The following ESRRG variants were observed in gnomAD, a reference collection of about 807,000 sequenced individuals.
ESRRG encodes the protein estrogen related receptor gamma, also known as estrogen-related receptor gamma.
A neutral mutation model predicts 44.0 loss-of-function variants in ESRRG; 13 were observed. That is an observed-to-expected ratio of 0.30 (90% confidence interval 0.19 to 0.47). The LOEUF (loss-of-function observed/expected upper bound fraction) is 0.47. ESRRG is among the 20% of genes least tolerant of loss of function. ESRRG has a pLI of 1.00. For missense variants in ESRRG, 395 were observed against 580.6 expected, an observed-to-expected ratio of 0.68 and a Z score of 3.29; for synonymous variants, 215 against 214.6, an observed-to-expected ratio of 1.00 and a Z score of -0.02.
intron 1 of ESRRG, among the ~76,000 whole-genome samples, chr1:217,009,235 C>T (rs1560456928): frequency 1.3e-5 from 2 of 152,014 alleles, no homozygotes; most frequent in South Asian, 2.1e-4. Flanking sequence ...GGGCCCACAG[C>T]GGGATCTATA....
intron 2 of ESRRG, among the ~76,000 whole-genome samples, chr1:216,821,696 AT>A (rs374941375): frequency 0.022 from 2,122 of 94,888 alleles, 183 homozygotes; most frequent in Middle Eastern, 0.045. Flanking sequence ...GGAAAAATAA[AT>A]AAATAAATAA....
At chr1:216,730,305 T>TTA (rs1553549420) in intron 2 of ESRRG, among the ~76,000 whole-genome samples, 3 of 121,444 alleles carry the variant, frequency 2.5e-5, no homozygotes, top group South Asian at 5.4e-4. Context: ...CTTAGAAAGG[T>TTA]AAAAAAAAAA....
At chr1:216,755,723 C>T (rs772301503) in intron 2 of ESRRG, among the ~76,000 whole-genome samples, 18 of 151,970 alleles carry the variant, frequency 1.2e-4, no homozygotes, top group South Asian at 1.0e-3. Flanking sequence ...AGAACTGAAT[C>T]TTCTTCCTTT....
At chr1:216,836,822 C>G (rs868358692) in intron 2 of ESRRG, among the ~76,000 whole-genome samples, 10 of 152,214 alleles carry the variant, frequency 6.6e-5, no homozygotes, top group African/African-American at 2.4e-4. Flanking sequence ...GCTATTATCC[C>G]AAATGAGAGT....
intron 1 of ESRRG, among the ~76,000 whole-genome samples, chr1:217,004,733 T>C (rs1033119715): frequency 1.3e-5 from 2 of 152,218 alleles, no homozygotes; most frequent in Non-Finnish European, 2.9e-5. Flanking sequence ...ATCAATTAAT[T>C]TATTCTGAAA....
chr1:217,114,253 A>G (rs1250203526), intron 1 of ESRRG, among the ~76,000 whole-genome samples: 1 of 152,030 alleles, frequency 6.6e-6, no homozygotes, highest in Admixed American at 6.6e-5. Flanking sequence ...TAGAGGTTTC[A>G]GGAAGCCTCA....
intron 1 of ESRRG, among the ~76,000 whole-genome samples, chr1:217,073,941 T>C (rs1031105627): frequency 2.6e-5 from 4 of 152,086 alleles, no homozygotes; most frequent in Non-Finnish European, 4.4e-5. Context: ...TGGTAGCATA[T>C]ACACTCCATA....
chr1:216,990,764 C>T (rs2075566114), intron 1 of ESRRG, among the ~76,000 whole-genome samples: 1 of 152,128 alleles, frequency 6.6e-6, no homozygotes, highest in Non-Finnish European at 1.5e-5. Flanking sequence ...ATATAACATA[C>T]AAAATATGTG....
chr1:216,732,746 G>A (rs899345341), intron 2 of ESRRG, among the ~76,000 whole-genome samples: 4 of 148,874 alleles, frequency 2.7e-5, no homozygotes, highest in African/African-American at 9.9e-5. Flanking sequence ...CAAGGCATCA[G>A]TGATCAATGA....
At chr1:216,972,809 A>T (rs1358754126) in intron 1 of ESRRG, among the ~76,000 whole-genome samples, 1 of 152,198 alleles carries the variant, frequency 6.6e-6, no homozygotes, top group African/African-American at 2.4e-5. Flanking sequence ...AGTAAATAAA[A>T]GCTTTTAAAT....
chr1:217,072,620 C>CA (rs1328499308), intron 1 of ESRRG, among the ~76,000 whole-genome samples: 1 of 152,164 alleles, frequency 6.6e-6, no homozygotes, highest in African/African-American at 2.4e-5. Context: ...TTTGAAATTA[C>CA]AGCTTCAGGA....
At chr1:216,578,819 G>A (rs2062168691) in intron 3 of ESRRG, among the ~76,000 whole-genome samples, 1 of 152,074 alleles carries the variant, frequency 6.6e-6, no homozygotes, top group South Asian at 2.1e-4. Context: ...CAGCTGCCTT[G>A]AGACCTGAGC....
rs11572757 is a variant in ESRRG at position 216,575,261 on chromosome 1, G to A, written c.590-7163C>T. Among the ~76,000 whole-genome samples, 136 of 152,144 alleles carry A rather than the reference G, an allele frequency of 8.9e-4. 4 individuals are homozygous for A. The East Asian group carries it at 0.026, about 29-fold the overall frequency. The stretch of plus-strand genomic sequence containing the variant: ...TATTAAATTCTTGAGGATCATATAA[G>A]ATAATTAAAGAAACCAAACAGTAGA... On this transcript the variant is annotated intron_variant, in intron 3 of 6. Coordinates refer to ENST00000408911, the MANE Select transcript of ESRRG (RefSeq NM_001438.4).
intron 3 of ESRRG, among the ~76,000 whole-genome samples, chr1:216,593,923 G>A (rs778158431): frequency 6.6e-6 from 1 of 152,064 alleles, no homozygotes; most frequent in Non-Finnish European, 1.5e-5. Flanking sequence ...GTAGAGACAG[G>A]GGTCTCATTG....
At chr1:217,092,731 C>T (rs1373965967), upstream of ESRRG, among the ~76,000 whole-genome samples, 1 of 152,218 alleles carries the variant, frequency 6.6e-6, no homozygotes, top group Non-Finnish European at 1.5e-5. Context: ...TCCGCTTTCT[C>T]TTCGGGTTTA....
chr1:216,847,964 G>C (rs1165329034), intron 2 of ESRRG, among the ~76,000 whole-genome samples: 1 of 152,108 alleles, frequency 6.6e-6, no homozygotes, highest in East Asian at 1.9e-4. Context: ...GTTGGTATAG[G>C]ACAGCGTTTC....
Position 216,506,999 on chromosome 1 carries a change from T to C in ESRRG, c.1317A>G (p.Lys439=). The C allele has an allele frequency of 6.2e-7, 1 of 1,614,178 alleles. No individual in the cohort carries two copies. The highest frequency in any genetic ancestry group is 1.3e-5 in the African/African-American group (1 of 75,048). Residue 439 remains lysine (K), a synonymous_variant, in exon 7 of 7, where the codon AAA becomes AAG. Coordinates refer to ENST00000408911, the MANE Select transcript of ESRRG (RefSeq NM_001438.4). ...TGTGCATTGGGACTTTGCCTTCTAG[T>C]TTGATGTTGTAGAAATGCTGCACGG... The part of the protein sequence containing the change: ...TKAVQHFYNI[K]LEGKVPMHKL...
chr1:217,120,486 C>A lies in ESRRG; in HGVS notation c.-230+17181G>T, dbSNP rs369151876. On this transcript the variant is annotated intron_variant, in intron 1 of 8. Transcript: ENST00000366940. ...TTCCAAAAAAAAAAAAAAATCTGAT[C>A]ATGTCTTCTCTATCTCATTTAAAAT... is the stretch of plus-strand genomic sequence containing the variant. Among the ~76,000 whole-genome samples the A allele has an allele frequency of 3.3e-5, 5 of 151,450 alleles. No homozygotes were observed. The East Asian group carries it at 9.7e-4, about 29-fold the overall frequency.
intron 1 of ESRRG, among the ~76,000 whole-genome samples, chr1:217,061,813 T>C (rs2088564003): frequency 1.3e-5 from 2 of 152,146 alleles, no homozygotes; most frequent in African/African-American, 4.8e-5. Context: ...AGTAAATCCT[T>C]AATGAACTAA....
Sources: gnomAD v4.1 joint callset for allele counts (sites outside exome capture counted in the v4.1 genomes callset) on GRCh38, gnomAD v4.1.1 for gene constraint, MANE v1.5 for transcripts, NCBI Gene and HGNC (gene_info 2026-07-23, HGNC 2026-07-21) for gene names.